Variants in NPSR1 observed in about 807,000 individuals in gnomAD.
NPSR1 encodes neuropeptide S receptor 1, also known as neuropeptide S receptor.
NPSR1 carries 48 observed loss-of-function variants against 46.9 expected under a neutral mutation model. That is an observed-to-expected ratio of 1.02 (90% CI 0.81 to 1.30). The LOEUF is 1.30. Ranked by LOEUF, NPSR1 falls within the 50% of genes most tolerant of loss-of-function variation. NPSR1 has a pLI of 0.00. For synonymous variants in NPSR1, 176 were observed against 168.1 expected (o/e 1.05, Z -0.36); for missense variants, 450 against 449.5 (o/e 1.00, Z -0.01).
intron 7 of NPSR1, chr7:34,845,618 G>C (rs946730646): frequency 1.5e-4 from 70 of 454,554 alleles, no homozygotes; most frequent in African/African-American, 1.3e-3. Flanking sequence ...CCTTTTTCTA[G>C]TCTTTACTCT....
intron 1 of NPSR1, among the ~76,000 whole-genome samples, chr7:34,678,431 C>T (rs1422767458): frequency 2.6e-5 from 4 of 151,990 alleles, no homozygotes; most frequent in African/African-American, 9.7e-5. Flanking sequence ...CATTAACATG[C>T]TTCTCTTTAT....
intron 1 of NPSR1, among the ~76,000 whole-genome samples, chr7:34,668,285 G>T (rs558680799): frequency 4.6e-5 from 7 of 151,996 alleles, no homozygotes; most frequent in Non-Finnish European, 8.8e-5. Context: ...CATCTTTCAC[G>T]TATTATTGTA....
Position 34,711,161 on chromosome 7 carries a change from C to T in NPSR1, c.280+26477C>T, listed in dbSNP as rs1426078156. On this transcript the variant is annotated intron_variant, in intron 2 of 8. Transcript: ENST00000360581. ...GCTTAGCATGCTGAGGATTGTAGAACCATATATTGCACGAGGGTACCCAAA... is the reference window on the plus strand; with the variant it reads ...GCTTAGCATGCTGAGGATTGTAGAATCATATATTGCACGAGGGTACCCAAA... The T allele has an allele frequency of 2.1e-5, 5 of 234,462 alleles. No homozygotes were observed. In the East Asian group the frequency reaches 6.2e-4, roughly 29 times the overall value. 14.5% of individuals were successfully genotyped at this position (234,462 alleles called of 1,614,324 possible). A position where few individuals can be genotyped will look rare whatever the true frequency, so the allele number is the denominator to read the frequency against.
chr7:34,791,002 TTA>T (rs1184327207), intron 3 of NPSR1, among the ~76,000 whole-genome samples: 2 of 122,482 alleles, frequency 1.6e-5, no homozygotes, highest in East Asian at 2.2e-4. Context: ...ATGTTATATG[TTA>T]TATGTTATAT....
At chr7:34,846,431 C>G (rs1277577406) in intron 7 of NPSR1, among the ~76,000 whole-genome samples, 3 of 152,012 alleles carry the variant, frequency 2.0e-5, no homozygotes, top group Middle Eastern at 3.2e-3. Flanking sequence ...TACTACCTAC[C>G]ATGATCATTT....
chr7:34,805,023 A>G (rs991475158), intron 3 of NPSR1, among the ~76,000 whole-genome samples: 3 of 127,986 alleles, frequency 2.3e-5, no homozygotes, highest in East Asian at 2.5e-4. Context: ...AAACTGATGG[A>G]AAAAAAAGCA....
intron 3 of NPSR1, among the ~76,000 whole-genome samples, chr7:34,792,648 T>G (rs1229402993): frequency 8.2e-6 from 1 of 121,946 alleles, no homozygotes; most frequent in Non-Finnish European, 1.6e-5. Context: ...TGTGTATATA[T>G]ATATGTATAT....
chr7:34,770,612 T>C (rs1283585713), intron 2 of NPSR1, among the ~76,000 whole-genome samples: 1 of 151,502 alleles, frequency 6.6e-6, no homozygotes, highest in Non-Finnish European at 1.5e-5. Flanking sequence ...GGCTGGAAAA[T>C]GGGGGGAGGG....
At chr7:34,827,643 C>CG (rs1554336796) in intron 5 of NPSR1, 41 bp downstream of exon 5, 8,761 of 404,116 alleles carry the variant, frequency 0.022, 11 homozygotes, top group Middle Eastern at 0.029. Flanking sequence ...GGGGGTGGGG[C>CG]GGGGGGGGCT....
intron 5 of NPSR1, among the ~76,000 whole-genome samples, chr7:34,833,687 G>A (rs568383298): frequency 3.9e-5 from 6 of 152,164 alleles, no homozygotes; most frequent in Non-Finnish European, 7.4e-5. Flanking sequence ...TGGCTTAACC[G>A]GGTCCTCTGC....
intron 3 of NPSR1, chr7:34,779,542 G>T: frequency 8.8e-7 from 1 of 1,142,810 alleles, no homozygotes; most frequent in Non-Finnish European, 1.2e-6. Context: ...ATTATTTTCA[G>T]GTCATGGTAA....
intron 3 of NPSR1, among the ~76,000 whole-genome samples, chr7:34,803,285 C>T (rs1370840881): frequency 1.3e-5 from 2 of 151,896 alleles, no homozygotes; most frequent in Non-Finnish European, 1.5e-5. Context: ...TATTGCGGCA[C>T]TATTCACAAT....
chr7:34,710,942 A>C (rs909512789), intron 2 of NPSR1: 1 of 372,424 alleles, frequency 2.7e-6, no homozygotes, highest in Admixed American at 3.2e-5. Flanking sequence ...GAGTACAGGC[A>C]GATGGGACAG....
intron 8 of NPSR1, among the ~76,000 whole-genome samples, chr7:34,856,047 T>C (rs146862939): frequency 4.9e-4 from 74 of 152,302 alleles, no homozygotes; most frequent in African/African-American, 1.8e-3. Context: ...AGGAAACCTA[T>C]ACTTAATGGT....
intron 2 of NPSR1, chr7:34,751,624 G>C (rs1314179639): frequency 1.4e-5 from 22 of 1,601,786 alleles, no homozygotes; most frequent in Non-Finnish European, 1.9e-5. Flanking sequence ...TCCACTCACT[G>C]CCTGCTCCAA....
chr7:34,791,549 GAAATT>G (rs962205734), intron 3 of NPSR1, among the ~76,000 whole-genome samples: 4 of 151,374 alleles, frequency 2.6e-5, no homozygotes, highest in Non-Finnish European at 5.9e-5. Flanking sequence ...ATTGATGAAA[GAAATT>G]AAACTAGGCA....
At chr7:34,815,470 C>T (rs190617402) in intron 4 of NPSR1, among the ~76,000 whole-genome samples, 18 of 152,210 alleles carry the variant, frequency 1.2e-4, no homozygotes, top group Admixed American at 2.6e-4. Flanking sequence ...ACTGATGGGG[C>T]GAACAGAACC....
intron 2 of NPSR1, among the ~76,000 whole-genome samples, chr7:34,743,017 A>T (rs1299230662): frequency 1.3e-5 from 2 of 152,114 alleles, no homozygotes; most frequent in Non-Finnish European, 2.9e-5. Flanking sequence ...TCTCTTGTAA[A>T]TTTGTTTAAG....
downstream of NPSR1, among the ~76,000 whole-genome samples, chr7:34,853,460 G>A (rs1790983505): frequency 1.3e-5 from 2 of 152,090 alleles, no homozygotes; most frequent in Admixed American, 1.3e-4. Flanking sequence ...CTGTGTTTTT[G>A]GAAACATGAA....
Sources: allele counts gnomAD v4.1 joint callset (sites outside exome capture counted in the v4.1 genomes callset), GRCh38; gene constraint gnomAD v4.1.1; transcripts MANE v1.5; gene names NCBI Gene and HGNC (gene_info 2026-07-23, HGNC 2026-07-21).